Variants in STK32B observed in about 807,000 individuals in gnomAD.
STK32B encodes serine/threonine-protein kinase 32B.
A neutral mutation model predicts 52.6 loss-of-function variants in STK32B; 43 were observed. That is an observed-to-expected ratio of 0.82 (90% CI 0.64 to 1.05). The LOEUF is 1.05. STK32B is among the 50% of genes least tolerant of loss of function. The pLI, the probability that STK32B is intolerant of heterozygous loss-of-function variation, is 0.00. For synonymous variants in STK32B, 238 were observed against 204.3 expected, an observed-to-expected ratio of 1.17 and a Z score of -1.41; for missense variants, 621 against 534.6, an observed-to-expected ratio of 1.16 and a Z score of -1.59.
intron 2 of STK32B, among the ~76,000 whole-genome samples, chr4:5,147,025 T>C (rs1299477754): frequency 6.6e-6 from 1 of 152,206 alleles, no homozygotes; most frequent in African/African-American, 2.4e-5. Context: ...GGGAGTCTTC[T>C]AATCCATGGA....
intron 3 of STK32B, among the ~76,000 whole-genome samples, chr4:5,225,927 G>A (rs1313469143): frequency 6.6e-6 from 1 of 152,178 alleles, no homozygotes; most frequent in Non-Finnish European, 1.5e-5. Context: ...AAAGCTTTGG[G>A]TTCCTGTTTT....
intron 3 of STK32B, among the ~76,000 whole-genome samples, chr4:5,174,421 T>C (rs1239401633): frequency 1.3e-5 from 2 of 152,204 alleles, no homozygotes; most frequent in African/African-American, 4.8e-5. Flanking sequence ...ATTTGGCATG[T>C]TTTTGCAGTG....
chr4:5,290,248 T>C (rs947477901), intron 3 of STK32B, among the ~76,000 whole-genome samples: 1 of 152,216 alleles, frequency 6.6e-6, no homozygotes, highest in African/African-American at 2.4e-5. Flanking sequence ...TCGACGTTAG[T>C]ATACTGTAAC....
chr4:5,436,399 C>T lies in STK32B; in HGVS notation c.563-10274C>T, dbSNP rs373964804. Among the ~76,000 whole-genome samples, 3 of 152,158 alleles carry T rather than the reference C, an allele frequency of 2.0e-5. No homozygotes were observed. In the East Asian group the frequency reaches 5.8e-4, roughly 29 times the overall value. ...GCGAGAGAACTACACAGGTTTAGAG[C>T]TGAAAGGACATGGATCCAGTGGCAT... On this transcript the variant is annotated intron_variant, in intron 6 of 11. Coordinates refer to ENST00000282908, the MANE Select transcript of STK32B (RefSeq NM_018401.3).
At chr4:5,100,598 CTTTCT>C in intron 1 of STK32B, among the ~76,000 whole-genome samples, 2 of 139,892 alleles carry the variant, frequency 1.4e-5, no homozygotes, top group Admixed American at 7.5e-5. Flanking sequence ...TCCCTTCTTC[CTTTCT>C]TCCTTCCTTC....
At chr4:5,155,239 A>C (rs1461782111) in intron 2 of STK32B, among the ~76,000 whole-genome samples, 1 of 151,764 alleles carries the variant, frequency 6.6e-6, no homozygotes, top group Non-Finnish European at 1.5e-5. Context: ...CTCCACCTCA[A>C]CCTTCCATAT....
At chr4:5,268,587 A>G (rs1390125988) in intron 3 of STK32B, among the ~76,000 whole-genome samples, 1 of 146,118 alleles carries the variant, frequency 6.8e-6, no homozygotes, top group Non-Finnish European at 1.5e-5. Flanking sequence ...GTGTGTGTAT[A>G]GCAAATATAT....
chr4:5,455,234 G>A (rs1716391810), intron 7 of STK32B, among the ~76,000 whole-genome samples: 1 of 152,234 alleles, frequency 6.6e-6, no homozygotes, highest in African/African-American at 2.4e-5. Context: ...CTTTGGGCGG[G>A]CGCCTTCTGT....
At chr4:5,175,387 T>C (rs1248667608) in intron 3 of STK32B, among the ~76,000 whole-genome samples, 2 of 152,248 alleles carry the variant, frequency 1.3e-5, no homozygotes, top group Non-Finnish European at 2.9e-5. Context: ...CTCTGATTTT[T>C]AGAGTTTCCA....
At chr4:5,493,400 G>C (rs979786220) in intron 11 of STK32B, among the ~76,000 whole-genome samples, 8 of 152,100 alleles carry the variant, frequency 5.3e-5, no homozygotes, top group Non-Finnish European at 7.4e-5. Flanking sequence ...ATGGTAGTTT[G>C]TATTTCTGTG....
chr4:5,112,322 T>A (rs1321072934), intron 1 of STK32B, among the ~76,000 whole-genome samples: 3 of 152,150 alleles, frequency 2.0e-5, no homozygotes, highest in Admixed American at 2.0e-4. Flanking sequence ...AGGAATTGAT[T>A]CATGTATTCA....
chr4:5,196,164 G>A (rs1422367516), intron 3 of STK32B, among the ~76,000 whole-genome samples: 2 of 152,048 alleles, frequency 1.3e-5, no homozygotes, highest in African/African-American at 4.8e-5. Flanking sequence ...TGGTGTTCTT[G>A]CTCTGCGTTC....
chr4:5,474,142 C>A (rs1718052002), intron 11 of STK32B, among the ~76,000 whole-genome samples: 1 of 152,114 alleles, frequency 6.6e-6, no homozygotes, highest in South Asian at 2.1e-4. Flanking sequence ...TTAATGTTGG[C>A]TGACTTCATC....
chr4:5,416,773 C>G, intron 5 of STK32B, 72 bp from the exon 6 acceptor site: 2 of 1,365,058 alleles, frequency 1.5e-6, no homozygotes, highest in Non-Finnish European at 1.0e-6. Context: ...TCTCACCTTG[C>G]AAACCACAGC....
chr4:5,242,270 T>C (rs921636303), intron 3 of STK32B, among the ~76,000 whole-genome samples: 17 of 152,376 alleles, frequency 1.1e-4, no homozygotes, highest in Admixed American at 3.9e-4. Flanking sequence ...ATCGCCATTC[T>C]AACTGGTGTG....
intron 3 of STK32B, among the ~76,000 whole-genome samples, chr4:5,291,514 C>G (rs773370963): frequency 6.6e-6 from 1 of 152,112 alleles, no homozygotes; most frequent in African/African-American, 2.4e-5. Flanking sequence ...ATGTTTGCTG[C>G]AGCCTTACTA....
At chr4:5,098,035 T>C (rs1166127519) in intron 1 of STK32B, among the ~76,000 whole-genome samples, 1 of 152,208 alleles carries the variant, frequency 6.6e-6, no homozygotes, top group East Asian at 1.9e-4. Flanking sequence ...TCTTACCTGC[T>C]AACAGGCTAG....
chr4:5,174,651 G>T (rs560030489), intron 3 of STK32B, among the ~76,000 whole-genome samples: 41 of 152,306 alleles, frequency 2.7e-4, no homozygotes, highest in African/African-American at 9.9e-4. Context: ...CTGGCTTGTA[G>T]AGTTTCTGCC....
chr4:5,472,724 C>T (rs1258181501), intron 11 of STK32B, among the ~76,000 whole-genome samples: 1 of 152,162 alleles, frequency 6.6e-6, no homozygotes, highest in Admixed American at 6.5e-5. Context: ...CCCCTGGAGT[C>T]CTTGAAAATA....
Sources: gnomAD v4.1 joint callset for allele counts (sites outside exome capture counted in the v4.1 genomes callset) on GRCh38, gnomAD v4.1.1 for gene constraint, MANE v1.5 for transcripts, NCBI Gene and HGNC (gene_info 2026-07-23, HGNC 2026-07-21) for gene names.